PDGFD: variants seen among roughly 807,000 people sequenced by gnomAD.
PDGFD encodes platelet-derived growth factor D.
In PDGFD, 30 loss-of-function variants were observed where a neutral mutation model predicts 44.7. The ratio of observed to expected loss-of-function variants is 0.67; its 90% CI spans 0.50 to 0.91. The LOEUF (loss-of-function observed/expected upper bound fraction) is 0.91. Among genes scored for constraint, PDGFD ranks in the 40% least tolerant of loss-of-function variants. The pLI is 0.00. For missense variants in PDGFD, 445 were observed against 457.8 expected (o/e 0.97, Z 0.25); for synonymous variants, 173 against 168.4 (o/e 1.03, Z -0.21).
At chr11:103,954,788 C>G (rs1474582893) in intron 3 of PDGFD, among the ~76,000 whole-genome samples, 1 of 152,216 alleles carries the variant, frequency 6.6e-6, no homozygotes, top group East Asian at 1.9e-4. Flanking sequence ...TTTTGAATTT[C>G]TAAATGCTTA....
chr11:104,126,362 C>G (rs1052643501), intron 1 of PDGFD, among the ~76,000 whole-genome samples: 1 of 152,138 alleles, frequency 6.6e-6, no homozygotes, highest in Non-Finnish European at 1.5e-5. Flanking sequence ...ACCCCATAAG[C>G]AGTAAGAAAC....
intron 1 of PDGFD, among the ~76,000 whole-genome samples, chr11:104,062,117 C>T (rs1262578377): frequency 6.6e-6 from 1 of 152,216 alleles, no homozygotes; most frequent in African/African-American, 2.4e-5. Context: ...GAAGAAGGGA[C>T]AGCTTTTCAA....
At chr11:104,148,590 C>T (rs541991213) in intron 1 of PDGFD, among the ~76,000 whole-genome samples, 12 of 152,144 alleles carry the variant, frequency 7.9e-5, no homozygotes, top group African/African-American at 2.9e-4. Context: ...TATATTATTA[C>T]ATTTTTAACT....
chr11:104,133,535 C>T lies in PDGFD; in HGVS notation c.124+30269G>A, dbSNP rs116642988. On this transcript the variant is annotated intron_variant, in intron 1 of 6. Transcript: ENST00000393158. ...TTGTCTAGCACAAGAGATGAAGATG[C>T]CCCTCCATATTCAAGTATGGCAGTA... 2.0e-3 allele frequency among the ~76,000 whole-genome samples: 303 copies of T among 152,204 alleles called. 1 individual carries two copies. The highest frequency in any genetic ancestry group is 6.6e-3 in the African/African-American group (275 of 41,560).
At chr11:104,143,374 G>T (rs1175602659) in intron 1 of PDGFD, among the ~76,000 whole-genome samples, 1 of 152,202 alleles carries the variant, frequency 6.6e-6, no homozygotes, top group Non-Finnish European at 1.5e-5. Context: ...AAAAAAATTA[G>T]AAAGGGATCT....
At chr11:104,013,029 T>C (rs1444756626) in intron 1 of PDGFD, among the ~76,000 whole-genome samples, 1 of 152,034 alleles carries the variant, frequency 6.6e-6, no homozygotes, top group African/African-American at 2.4e-5. Context: ...GCCCACTATG[T>C]CCCCCACCCT....
chr11:104,154,432 G>A (rs1862280491), intron 1 of PDGFD, among the ~76,000 whole-genome samples: 2 of 152,210 alleles, frequency 1.3e-5, no homozygotes, highest in South Asian at 2.1e-4. Context: ...TCTTCAAGAA[G>A]AGAAGGGCTA....
chr11:104,064,897 T>C (rs1860766301), intron 1 of PDGFD, among the ~76,000 whole-genome samples: 1 of 152,200 alleles, frequency 6.6e-6, no homozygotes, highest in Non-Finnish European at 1.5e-5. Flanking sequence ...GTCAACTTGA[T>C]GGAATTGAAG....
At chr11:104,034,891 C>G (rs779033436) in intron 1 of PDGFD, among the ~76,000 whole-genome samples, 41 of 152,244 alleles carry the variant, frequency 2.7e-4, no homozygotes, top group Non-Finnish European at 5.7e-4. Context: ...ATCCGCCCAC[C>G]CTGGCCTCCC....
intron 1 of PDGFD, among the ~76,000 whole-genome samples, chr11:104,000,806 CT>C (rs1013675468): frequency 1.3e-5 from 2 of 152,108 alleles, no homozygotes; most frequent in African/African-American, 4.8e-5. Context: ...AATTTTGTGT[CT>C]TGGGTTTTCT....
chr11:104,113,393 G>T (rs1471195303), intron 1 of PDGFD, among the ~76,000 whole-genome samples: 1 of 152,082 alleles, frequency 6.6e-6, no homozygotes. Flanking sequence ...ACAGAGTGAT[G>T]CATGTAATGT....
intron 3 of PDGFD, among the ~76,000 whole-genome samples, chr11:103,982,379 T>C (rs1180750679): frequency 2.0e-5 from 3 of 151,794 alleles, no homozygotes; most frequent in Non-Finnish European, 4.4e-5. Flanking sequence ...TGCACAGTAA[T>C]AGACGCTGCA....
chr11:104,003,128 C>T (rs1478468764), intron 1 of PDGFD, among the ~76,000 whole-genome samples: 1 of 152,140 alleles, frequency 6.6e-6, no homozygotes, highest in Non-Finnish European at 1.5e-5. Flanking sequence ...GCATACTGCA[C>T]AAATGTAAAC....
intron 3 of PDGFD, among the ~76,000 whole-genome samples, chr11:103,970,284 A>G (rs1859084611): frequency 6.6e-6 from 1 of 152,104 alleles, no homozygotes; most frequent in Non-Finnish European, 1.5e-5. Flanking sequence ...TACAATAGGG[A>G]GTAAATAAGT....
At chr11:104,066,302 T>C (rs1392549071) in intron 1 of PDGFD, among the ~76,000 whole-genome samples, 2 of 152,140 alleles carry the variant, frequency 1.3e-5, no homozygotes, top group African/African-American at 4.8e-5. Flanking sequence ...TACTGAAAAA[T>C]CACTCAGTTG....
intron 5 of PDGFD, among the ~76,000 whole-genome samples, chr11:103,931,478 T>C (rs1434379307): frequency 1.3e-5 from 2 of 152,242 alleles, no homozygotes; most frequent in Non-Finnish European, 2.9e-5. Flanking sequence ...TCAATCTTTA[T>C]TCTGATAGTA....
chr11:103,969,150 T>C (rs554902886), intron 3 of PDGFD, among the ~76,000 whole-genome samples: 46 of 152,318 alleles, frequency 3.0e-4, no homozygotes, highest in African/African-American at 1.1e-3. Flanking sequence ...GCTGCCAGTA[T>C]AGTGCCTGGT....
intron 1 of PDGFD, among the ~76,000 whole-genome samples, chr11:104,133,741 G>A (rs559807379): frequency 2.6e-5 from 4 of 152,272 alleles, no homozygotes; most frequent in Non-Finnish European, 4.4e-5. Context: ...GACAAGGCTC[G>A]TGAGGGCAAG....
At chr11:103,994,691 G>C (rs1488365048) in intron 3 of PDGFD, among the ~76,000 whole-genome samples, 1 of 151,996 alleles carries the variant, frequency 6.6e-6, no homozygotes, top group East Asian at 1.9e-4. Context: ...TTCACACTTG[G>C]TAAAGGGACA....
Sources: allele counts gnomAD v4.1 joint callset (sites outside exome capture counted in the v4.1 genomes callset), GRCh38; gene constraint gnomAD v4.1.1; transcripts MANE v1.5; gene names NCBI Gene and HGNC (gene_info 2026-07-23, HGNC 2026-07-21).